Variants in ATP8B3 observed in about 807,000 individuals in gnomAD.
The protein encoded by ATP8B3 is ATPase phospholipid transporting 8B3, also known as phospholipid-transporting ATPase IK.
Under a neutral mutation model 140.9 loss-of-function variants are expected in ATP8B3, and 141 were observed. The observed-to-expected ratio is 1.00, with a 90% CI of 0.87 to 1.15. ATP8B3 has a LOEUF of 1.15. Among genes scored for constraint, ATP8B3 ranks in the 50% most tolerant of loss-of-function variants. ATP8B3 has a pLI of 0.00. For missense variants in ATP8B3, 1,874 were observed against 1,740.6 expected (o/e 1.08, Z -1.36); for synonymous variants, 765 against 714.6 (o/e 1.07, Z -1.13).
In ATP8B3 at chr19:1,800,368, A is replaced by G; in HGVS notation, c.1234T>C (p.Tyr412His). The G allele has an allele frequency of 1.2e-6, 2 of 1,608,856 alleles. No homozygotes were observed. The highest frequency in any genetic ancestry group is 1.7e-6 in the Non-Finnish European group (2 of 1,177,298). ...FSVKEFKDHH[Y>H]YLSGVHGSSV... ...CTCCCATGCACCCCCGAGAGGTAGT[A>G]GTGGTGGTCTTTGAATTCTTTGACT... The change falls in exon 13 of 29, where the codon TAC (tyrosine) becomes CAC (histidine). Residue 412 changes from tyrosine to histidine, a missense_variant. Transcript: ENST00000310127. This position sits in a 1 kb window ranked among gnomAD's most constrained non-coding sequence, Gnocchi z 4.4.
At chr19:1,789,179 CA>C in intron 23 of ATP8B3, 59 bp from the exon 24 acceptor site, 1 of 1,164,970 alleles carries the variant, frequency 8.6e-7, no homozygotes, top group South Asian at 1.4e-5. Context: ...CCCGCCCCCC[CA>C]GACCCCCGCA....
Position 1,797,127 on chromosome 19 carries a change from G to T in ATP8B3, c.1553-122C>A, listed in dbSNP as rs553199472. On this transcript the variant is annotated intron_variant, in intron 14 of 28. Coordinates refer to ENST00000310127, the MANE Select transcript of ATP8B3 (RefSeq NM_138813.4). ...TGGTGCAGCCACACAAGCCAGGCCT[G>T]TGGCCCTGGAACCGACACCCCGAGC... 5.2e-5 allele frequency: 77 copies of T among 1,477,892 alleles called. No individual in the cohort carries two copies. The African/African-American group carries it at 1.0e-3, about 19-fold the overall frequency. 91.5% of individuals were successfully genotyped at this position (1,477,892 alleles called of 1,614,324 possible).
At position 1,783,252 on chromosome 19, in the gene ATP8B3, C is replaced by T. The variant is rs1293629790; in HGVS notation, c.3679G>A (p.Gly1227Ser). ...LRAKEEKVEE[G>S]PSEEIFTMEP... ...ATGGTGAAAATCTCCTCGCTGGGGC[C>T]CTCCTCCACCTTCTCCTCCTGAAGA... Residue 1227 changes from glycine to serine, a missense_variant, in exon 29 of 29, where the codon GGC (glycine) becomes AGC (serine). Gly to Ser is a moderately conservative substitution (Grantham distance 56). Coordinates refer to ENST00000310127, the MANE Select transcript of ATP8B3 (RefSeq NM_138813.4). 1 of 1,609,310 alleles carries T rather than the reference C, an allele frequency of 6.2e-7. No individual in the cohort carries two copies. Among genetic ancestry groups the T allele is most frequent in the Non-Finnish European group, 8.5e-7 (1 of 1,177,950 alleles).
rs892481446 is a variant in ATP8B3 at position 1,794,882 on chromosome 19, G to A, written c.2055+993C>T. 3.3e-5 allele frequency among the ~76,000 whole-genome samples: 5 copies of A among 152,218 alleles called. No individual in the cohort carries two copies. Among genetic ancestry groups the A allele is most frequent in the Admixed American group, 3.3e-4 (5 of 15,284 alleles). ...AGTTCGGGCTTCCCCCACAGAGTGG[G>A]AAGCTTTGGAGCAGACGGAGCTGAG... On this transcript the variant is annotated intron_variant, in intron 18 of 28. Coordinates refer to ENST00000310127, the MANE Select transcript of ATP8B3 (RefSeq NM_138813.4). The surrounding 1 kb of genome is among the most constrained non-coding windows in gnomAD (Gnocchi z 4.8).
intron 10 of ATP8B3, among the ~76,000 whole-genome samples, chr19:1,802,978 C>T (rs1422202264): frequency 1.3e-5 from 2 of 152,216 alleles, no homozygotes; most frequent in Admixed American, 1.3e-4. Flanking sequence ...TTGTTAATGT[C>T]TGTGAACTCC....
chr19:1,804,372 A>G (rs538008896), intron 10 of ATP8B3, among the ~76,000 whole-genome samples: 62 of 152,230 alleles, frequency 4.1e-4, no homozygotes, highest in Non-Finnish European at 7.6e-4. Flanking sequence ...CACTTTGGGA[A>G]GCCGAGGCAG....
intron 14 of ATP8B3, 107 bp downstream of exon 14, chr19:1,799,840 C>T (rs753074622): frequency 1.9e-5 from 22 of 1,149,712 alleles, no homozygotes; most frequent in East Asian, 1.0e-4. Context: ...GGTTCAGATT[C>T]GGGCGGAGGT....
intron 3 of ATP8B3, among the ~76,000 whole-genome samples, chr19:1,810,420 C>A (rs1288676722): frequency 1.3e-5 from 2 of 152,206 alleles, no homozygotes; most frequent in African/African-American, 4.8e-5. Context: ...GCATACGCCA[C>A]CACGCCCAGC....
Position 1,789,695 on chromosome 19 carries a change from C to T in ATP8B3, c.2511G>A (p.Pro837=), listed in dbSNP as rs768631804. The change falls in exon 23 of 29, where the codon CCG becomes CCA. Residue 837 remains proline (P), a synonymous_variant. Transcript: ENST00000310127. ...DKLLVSLRKE[P]RALAQNVNMD... Reference sequence around the variant, plus strand: ...TGTTCACGTTCTGCGCCAGGGCGCGCGGCTCCTTCCGCAGGGACACCAGCA... The same window carrying T: ...TGTTCACGTTCTGCGCCAGGGCGCGTGGCTCCTTCCGCAGGGACACCAGCA... 25 of 1,585,450 alleles carry T rather than the reference C, an allele frequency of 1.6e-5. No homozygotes were observed. Among genetic ancestry groups the T allele is most frequent in the Non-Finnish European group, 2.1e-5 (24 of 1,168,964 alleles).
At position 1,785,513 on chromosome 19, in the gene ATP8B3, C is replaced by G. The variant is rs1944538889; in HGVS notation, c.3349G>C (p.Ala1117Pro). The change falls in exon 26 of 29, where the codon GCG becomes CCG. Residue 1117 changes from alanine (A) to proline (P), a missense_variant. By Grantham distance (27) the Ala-to-Pro change is conservative. Around this residue, in one of 3 missense-constraint regions of ATP8B3, gnomAD observed 840 missense variants for 760.9 expected, o/e 1.10. Transcript: ENST00000310127. The stretch of plus-strand genomic sequence containing the variant: ...AGGCAAGACAGGGCCACCACGACCG[C>G]AAAGGACTGGTGGTCGCTGAAGCTG... Reference protein sequence around the residue: ...PASFSDHQSFAVVVALSCLLS... With the variant: ...PASFSDHQSFPVVVALSCLLS... The G allele has an allele frequency of 6.2e-7, 1 of 1,613,088 alleles. No individual in the cohort carries two copies. The highest frequency in any genetic ancestry group is 8.5e-7 in the Non-Finnish European group (1 of 1,179,902).
At chr19:1,803,218 C>CG (rs2068907351) in intron 10 of ATP8B3, among the ~76,000 whole-genome samples, 1 of 152,072 alleles carries the variant, frequency 6.6e-6, no homozygotes, top group Non-Finnish European at 1.5e-5. Flanking sequence ...CAGACTGGCC[C>CG]GGGGCAGCAT....
chr19:1,786,104 C>A (rs2068297069), intron 25 of ATP8B3, among the ~76,000 whole-genome samples: 1 of 151,948 alleles, frequency 6.6e-6, no homozygotes, highest in Admixed American at 6.6e-5. Flanking sequence ...TGCACTCCAG[C>A]CTGGGTGAGA....
chr19:1,804,730 T>C (rs1461197215), intron 10 of ATP8B3, among the ~76,000 whole-genome samples: 2 of 151,510 alleles, frequency 1.3e-5, no homozygotes, highest in African/African-American at 2.4e-5. Context: ...CGCTTGAACC[T>C]GGGAGGCAGA....
In ATP8B3 at chr19:1,783,086, G is replaced by C; in HGVS notation, c.3845C>G (p.Ser1282Cys). 2 of 1,613,338 alleles carry C rather than the reference G, an allele frequency of 1.2e-6. No homozygotes were observed. Among genetic ancestry groups the C allele is most frequent in the African/African-American group, 1.3e-5 (1 of 74,948 alleles). Reference sequence around the variant, plus strand: ...TTCATCAGATGGGTCTAGGGATTCAGATGCTATGTCACTGCTGACCCCTGG... The same window carrying C: ...TTCATCAGATGGGTCTAGGGATTCACATGCTATGTCACTGCTGACCCCTGG... The part of the protein sequence containing the change: ...RGPGVSSDIA[S>C]ESLDPSDEEA... Residue 1282 changes from serine to cysteine, a missense_variant, in exon 29 of 29, where the codon TCT becomes TGT. Ser to Cys is a moderately radical substitution (Grantham distance 112). This residue lies in a region of ATP8B3 where 840 missense variants were observed against 760.9 expected (regional missense o/e 1.10). Coordinates refer to ENST00000310127, the MANE Select transcript of ATP8B3 (RefSeq NM_138813.4).
chr19:1,803,755 G>C lies in ATP8B3; in HGVS notation c.905-1110C>G, dbSNP rs192261149. 7.2e-3 allele frequency among the ~76,000 whole-genome samples: 1,095 copies of C among 152,140 alleles called. 13 individuals carry two copies. The highest frequency in any genetic ancestry group is 0.025 in the African/African-American group (1,025 of 41,496). The stretch of plus-strand genomic sequence containing the variant: ...CTACTGAAAATACAAAATTAGCTGG[G>C]CGTGGTGGCGGGCGCCTGGGATCCC... On this transcript the variant is annotated intron_variant, in intron 10 of 28. Transcript: ENST00000310127.
In ATP8B3 at chr19:1,806,694, G is replaced by A; in HGVS notation, c.616-5C>T. ...TCTGTCACTCTTGTGTCTCCCCTGG[G>A]CCAGGAGGGAAAGGATCAGAGAGAC... On this transcript the variant is annotated splice_region_variant and splice_polypyrimidine_tract_variant and intron_variant, in intron 6 of 28. Coordinates refer to ENST00000310127, the MANE Select transcript of ATP8B3 (RefSeq NM_138813.4). The surrounding 1 kb of genome is among the most constrained non-coding windows in gnomAD (Gnocchi z 5.6). The A allele has an allele frequency of 3.2e-6, 5 of 1,560,088 alleles. No homozygotes were observed. The highest frequency in any genetic ancestry group is 4.3e-6 in the Non-Finnish European group (5 of 1,152,534).
At position 1,805,385 on chromosome 19, in the gene ATP8B3, G is replaced by T. The variant is rs368069752; in HGVS notation, c.893C>A (p.Ala298Glu). Residue 298 changes from alanine to glutamate, a missense_variant, in exon 10 of 29, where the codon GCG (alanine) becomes GAG (glutamate). Ala to Glu is a moderately radical substitution (Grantham distance 107). Coordinates refer to ENST00000310127, the MANE Select transcript of ATP8B3 (RefSeq NM_138813.4). This position sits in a 1 kb window ranked among gnomAD's most constrained non-coding sequence, Gnocchi z 5.2. ...TCAACGCCTCTCACCTTGAAAGGAC[G>T]CCATCTTCTTTATAGTGGCCAGTTC... ...HKELATIKKM[A>E]SFQGTVTCEA... is the part of the protein sequence containing the mutation. 3 of 1,565,680 alleles carry T rather than the reference G, an allele frequency of 1.9e-6. No homozygotes were observed. Among genetic ancestry groups the T allele is most frequent in the African/African-American group, 1.4e-5 (1 of 73,990 alleles).
chr19:1,797,524 G>T (rs1028021778), intron 14 of ATP8B3, among the ~76,000 whole-genome samples: 2 of 148,704 alleles, frequency 1.3e-5, no homozygotes, highest in African/African-American at 4.9e-5. Flanking sequence ...TTTTGAGACA[G>T]AGTCCTGCTC....
intron 2 of ATP8B3, 49 bp downstream of exon 2, chr19:1,811,440 G>A (rs990512102): frequency 3.2e-5 from 50 of 1,570,554 alleles, no homozygotes; most frequent in Non-Finnish European, 3.5e-5. Context: ...TGCCCTCCCC[G>A]CCAAGCCCCT....
Sources: allele counts gnomAD v4.1 joint callset (sites outside exome capture counted in the v4.1 genomes callset), GRCh38; gene constraint gnomAD v4.1.1; regional missense constraint gnomAD v4.1.1; non-coding constraint Gnocchi (gnomAD v3.1); transcripts MANE v1.5; gene names NCBI Gene and HGNC (gene_info 2026-07-23, HGNC 2026-07-21).